RBFOX2: variants seen among roughly 807,000 people sequenced by gnomAD.
RBFOX2 encodes the protein RNA binding protein fox-1 homolog 2.
RBFOX2 carries 10 observed loss-of-function variants against 49.1 expected under a neutral mutation model. That is an observed-to-expected ratio of 0.20 (90% CI 0.13 to 0.35). RBFOX2 has a LOEUF of 0.35. RBFOX2 is among the 10% of genes least tolerant of loss of function. The probability of loss-of-function intolerance (pLI) is 1.00; values close to 1 mark genes in which losing one functional copy is unlikely to be tolerated. For missense variants in RBFOX2, 323 were observed against 486.9 expected, an observed-to-expected ratio of 0.66 and a Z score of 3.17; for synonymous variants, 183 against 187.4, an observed-to-expected ratio of 0.98 and a Z score of 0.19.
At chr22:35,822,384 C>G (rs978551306) in intron 1 of RBFOX2, among the ~76,000 whole-genome samples, 1 of 152,108 alleles carries the variant, frequency 6.6e-6, no homozygotes, top group African/African-American at 2.4e-5. Context: ...TTAGAAGATT[C>G]CTTTAAAGTT....
intron 1 of RBFOX2, among the ~76,000 whole-genome samples, chr22:35,870,494 C>T (rs1053821130): frequency 2.6e-5 from 4 of 151,992 alleles, no homozygotes; most frequent in African/African-American, 9.7e-5. Context: ...AACAAACAAA[C>T]AAATAAATAA....
At position 35,893,696 on chromosome 22, in the gene RBFOX2, C is replaced by T. The variant is rs531484716; in HGVS notation, c.-34+45151G>A. ...ATATTTAAACATGAAGGGAGAAGCA[C>T]GAAAAGCAGCCCCTCCGAACATACA... is the stretch of plus-strand genomic sequence containing the variant. On this transcript the variant is annotated intron_variant, in intron 1 of 13. Coordinates refer to the RBFOX2 transcript ENST00000359369. 2.1e-4 allele frequency among the ~76,000 whole-genome samples: 32 copies of T among 152,314 alleles called. No homozygotes were observed. In the South Asian group the frequency reaches 6.0e-3, roughly 29 times the overall value.
At chr22:35,848,324 A>G (rs922186308) in intron 1 of RBFOX2, among the ~76,000 whole-genome samples, 3 of 152,348 alleles carry the variant, frequency 2.0e-5, no homozygotes, top group African/African-American at 7.2e-5. Flanking sequence ...ATCCACAAAT[A>G]TATCAAAACC....
intron 1 of RBFOX2, among the ~76,000 whole-genome samples, chr22:35,937,722 CCAGGACTA>C (rs1357112104): frequency 6.6e-6 from 1 of 152,164 alleles, no homozygotes; most frequent in Non-Finnish European, 1.5e-5. Context: ...TCCCGAGTAG[CCAGGACTA>C]CAACTGCATA....
exon 7 of RBFOX2, chr22:35,761,435 T>C (rs1158828301): frequency 6.2e-7 from 1 of 1,614,174 alleles, no homozygotes; most frequent in Non-Finnish European, 8.5e-7. Context: ...CTCCGGACCA[T>C]ATACAGCTCC....
chr22:35,815,466 T>C (rs765407218), intron 1 of RBFOX2, among the ~76,000 whole-genome samples: 7 of 152,224 alleles, frequency 4.6e-5, no homozygotes, highest in Non-Finnish European at 7.3e-5. Flanking sequence ...GGTGTATTTT[T>C]GTTTATATCT....
At chr22:35,801,642 T>C (rs755998828) in intron 2 of RBFOX2, among the ~76,000 whole-genome samples, 3 of 152,026 alleles carry the variant, frequency 2.0e-5, no homozygotes, top group Non-Finnish European at 4.4e-5. Context: ...CTGGCCAACA[T>C]GGTGAAACCT....
chr22:35,890,060 C>T (rs762669610), intron 1 of RBFOX2, among the ~76,000 whole-genome samples: 5 of 152,112 alleles, frequency 3.3e-5, no homozygotes, highest in Admixed American at 1.3e-4. Flanking sequence ...TATGATAAAG[C>T]CATCAGTTAC....
chr22:35,803,120 T>C (rs1201407803), intron 2 of RBFOX2, among the ~76,000 whole-genome samples: 1 of 151,446 alleles, frequency 6.6e-6, no homozygotes, highest in African/African-American at 2.4e-5. Flanking sequence ...TCACATGTCA[T>C]AGTTTAAGTA....
At chr22:35,755,754 C>T (rs948375869) in intron 9 of RBFOX2, among the ~76,000 whole-genome samples, 3 of 151,958 alleles carry the variant, frequency 2.0e-5, no homozygotes, top group Non-Finnish European at 4.4e-5. Flanking sequence ...GCAAATGACA[C>T]GACAATAATA....
At chr22:35,856,629 G>GA (rs796462267) in intron 1 of RBFOX2, among the ~76,000 whole-genome samples, 5,237 of 135,188 alleles carry the variant, frequency 0.039, 103 homozygotes, top group Non-Finnish European at 0.047. Flanking sequence ...GCCAGGAGGG[G>GA]AAAAAAAAAA....
chr22:35,961,730 G>T (rs1283215319), upstream of RBFOX2: 3 of 1,259,396 alleles, frequency 2.4e-6, no homozygotes, highest in Non-Finnish European at 3.1e-6. Flanking sequence ...TACACAAAAA[G>T]GTTTTCCGTT....
chr22:35,844,377 T>C (rs1390802704), upstream of RBFOX2, among the ~76,000 whole-genome samples: 1 of 152,234 alleles, frequency 6.6e-6, no homozygotes, highest in Non-Finnish European at 1.5e-5. Context: ...ACTCTAGCCA[T>C]TTATTTATTC....
chr22:35,858,553 C>T lies in RBFOX2; in HGVS notation c.-33-48549G>A, dbSNP rs149773487. Among the ~76,000 whole-genome samples the T allele has an allele frequency of 1.7e-4, 26 of 152,232 alleles. 1 individual carries two copies. The South Asian group carries it at 3.5e-3, about 21-fold the overall frequency. ...AAATAATTAAGCTAAAGGCCAGGCACGGTGGCTCAGGCCTGTAATCCCAGC... is the reference window on the plus strand; with the variant it reads ...AAATAATTAAGCTAAAGGCCAGGCATGGTGGCTCAGGCCTGTAATCCCAGC... On this transcript the variant is annotated intron_variant, in intron 1 of 13. Transcript: ENST00000359369.
intron 1 of RBFOX2, among the ~76,000 whole-genome samples, chr22:35,966,796 T>A (rs1394882332): frequency 6.6e-6 from 1 of 152,180 alleles, no homozygotes; most frequent in Non-Finnish European, 1.5e-5. Flanking sequence ...GCCTTTTTAC[T>A]TTCTTTTATA....
chr22:35,772,915 G>A (rs1259359482), intron 4 of RBFOX2, among the ~76,000 whole-genome samples: 2 of 151,648 alleles, frequency 1.3e-5, no homozygotes, highest in Non-Finnish European at 2.9e-5. Flanking sequence ...TCAGAAGAAT[G>A]AGAAAGAAAA....
chr22:35,957,502 T>C (rs2055708759), intron 1 of RBFOX2, among the ~76,000 whole-genome samples: 5 of 152,194 alleles, frequency 3.3e-5, no homozygotes, highest in Admixed American at 2.6e-4. Flanking sequence ...AGAAAACCAA[T>C]GTACCACAAG....
chr22:35,809,490 C>G (rs557820948), intron 2 of RBFOX2, among the ~76,000 whole-genome samples: 1 of 152,128 alleles, frequency 6.6e-6, no homozygotes, highest in East Asian at 1.9e-4. Context: ...AAAAGGGGTT[C>G]CAGGACCTAC....
intron 1 of RBFOX2, among the ~76,000 whole-genome samples, chr22:35,835,614 C>T (rs1478294250): frequency 6.6e-6 from 1 of 151,526 alleles, no homozygotes; most frequent in African/African-American, 2.4e-5. Context: ...AATAGGTTGT[C>T]AAATATTAAG....
Sources: gnomAD v4.1 joint callset for allele counts (sites outside exome capture counted in the v4.1 genomes callset) on GRCh38, gnomAD v4.1.1 for gene constraint, MANE v1.5 for transcripts, NCBI Gene and HGNC (gene_info 2026-07-23, HGNC 2026-07-21) for gene names.